DRD2: variants seen among roughly 807,000 people sequenced by gnomAD.
The protein encoded by DRD2 is D(2) dopamine receptor.
A neutral mutation model predicts 38.0 loss-of-function variants in DRD2; 8 were observed. That is an observed-to-expected ratio of 0.21 (90% CI 0.12 to 0.38). DRD2 has a LOEUF of 0.38. Ranked by LOEUF, DRD2 falls within the 10% of genes least tolerant of loss-of-function variation. DRD2 has a pLI of 1.00. For synonymous variants in DRD2, 230 were observed against 238.6 expected, an observed-to-expected ratio of 0.96 and a Z score of 0.33; for missense variants, 403 against 607.7, an observed-to-expected ratio of 0.66 and a Z score of 3.54.
chr11:113,416,745 T>C, intron 4 of DRD2, 118 bp downstream of exon 4: 1 of 1,437,560 alleles, frequency 7.0e-7, no homozygotes, highest in Non-Finnish European at 9.6e-7. Flanking sequence ...AGGGTAGTGA[T>C]AGGCCTCCAT....
intron 1 of DRD2, among the ~76,000 whole-genome samples, chr11:113,438,350 A>T (rs562208476): frequency 6.6e-6 from 1 of 152,204 alleles, no homozygotes; most frequent in East Asian, 1.9e-4. Context: ...TGCAAAATTG[A>T]CTTAGAAAAT....
chr11:113,438,303 A>G (rs1951057416), intron 1 of DRD2, among the ~76,000 whole-genome samples: 2 of 152,064 alleles, frequency 1.3e-5, no homozygotes, highest in South Asian at 2.1e-4. Context: ...TCTCATCTGT[A>G]ACATGGGGGC....
chr11:113,423,283 A>AT (rs5794864), intron 2 of DRD2, among the ~76,000 whole-genome samples: 68 of 150,338 alleles, frequency 4.5e-4, no homozygotes, highest in Middle Eastern at 3.4e-3. Context: ...ATTTAATTTT[A>AT]TTTTTTTTTT....
chr11:113,420,529 T>C (rs771336438), intron 2 of DRD2, among the ~76,000 whole-genome samples: 2 of 152,176 alleles, frequency 1.3e-5, no homozygotes, highest in Non-Finnish European at 2.9e-5. Flanking sequence ...TTCTTAAAAC[T>C]TTTACAAGAA....
intron 7 of DRD2, chr11:113,411,857 T>G (rs1283110635): frequency 6.6e-6 from 1 of 152,480 alleles, no homozygotes; most frequent in Non-Finnish European, 1.5e-5. Flanking sequence ...GAAGACAGAG[T>G]CACAGGGGAC....
At chr11:113,450,393 C>G (rs1450743284) in intron 1 of DRD2, among the ~76,000 whole-genome samples, 1 of 152,212 alleles carries the variant, frequency 6.6e-6, no homozygotes, top group African/African-American at 2.4e-5. Flanking sequence ...GTTGAAGAAG[C>G]TGGCCCAGAG....
At chr11:113,465,472 T>C (rs763740220) in intron 1 of DRD2, among the ~76,000 whole-genome samples, 3 of 152,160 alleles carry the variant, frequency 2.0e-5, no homozygotes, top group African/African-American at 4.8e-5. Context: ...ACTGGAGTTG[T>C]CCCTGTGCTT....
chr11:113,413,263 G>T (rs375268477), intron 6 of DRD2: 3 of 577,846 alleles, frequency 5.2e-6, no homozygotes, highest in Non-Finnish European at 1.0e-5. Context: ...CTCATGTTCC[G>T]ACTGCAAAGA....
At chr11:113,416,270 G>A (rs115980960) in intron 4 of DRD2, among the ~76,000 whole-genome samples, 508 of 152,270 alleles carry the variant, frequency 3.3e-3, no homozygotes, top group African/African-American at 0.012. Flanking sequence ...ACCTGCCATC[G>A]CTCTTGCCTC....
chr11:113,446,115 T>C (rs1419047757), intron 1 of DRD2, among the ~76,000 whole-genome samples: 1 of 152,172 alleles, frequency 6.6e-6, no homozygotes, highest in African/African-American at 2.4e-5. Flanking sequence ...CTGGGACACA[T>C]GGACCCCACT....
At chr11:113,433,765 C>A (rs1951011355) in intron 1 of DRD2, among the ~76,000 whole-genome samples, 1 of 152,156 alleles carries the variant, frequency 6.6e-6, no homozygotes, top group Admixed American at 6.5e-5. Context: ...ATCTCGAGGG[C>A]CTTCTGTGGC....
chr11:113,470,488 C>T (rs1195608160), intron 1 of DRD2, among the ~76,000 whole-genome samples: 1 of 152,200 alleles, frequency 6.6e-6, no homozygotes, highest in Non-Finnish European at 1.5e-5. Flanking sequence ...TGTCTGGAAG[C>T]AAGCTGACAT....
At position 113,462,164 on chromosome 11, in the gene DRD2, C is replaced by T. The variant is rs986089455; in HGVS notation, c.-32+12912G>A. Among the ~76,000 whole-genome samples the T allele has an allele frequency of 5.9e-5, 9 of 152,256 alleles. No individual in the cohort carries two copies. In the South Asian group the frequency reaches 1.9e-3, roughly 32 times the overall value. ...CAATTAGATAAGTGGGCAGCTATTC[C>T]CAAACAGGTGACTAGGAAGGAAAAC... On this transcript the variant is annotated intron_variant, in intron 1 of 7. Transcript: ENST00000362072.
chr11:113,432,792 G>A (rs371453872), intron 1 of DRD2, among the ~76,000 whole-genome samples: 39 of 152,266 alleles, frequency 2.6e-4, no homozygotes, highest in African/African-American at 9.4e-4. Flanking sequence ...ACTTGGGGTT[G>A]GACCTTCTTT....
intron 1 of DRD2, among the ~76,000 whole-genome samples, chr11:113,426,872 G>A (rs1271777127): frequency 2.0e-5 from 3 of 152,198 alleles, no homozygotes; most frequent in Non-Finnish European, 1.5e-5. Context: ...GCCCACAGCG[G>A]GAGGCCTGCA....
chr11:113,410,986 C>T, intron 7 of DRD2, 66 bp from the exon 8 acceptor site: 4 of 1,535,136 alleles, frequency 2.6e-6, no homozygotes, highest in Non-Finnish European at 2.7e-6. Context: ...AACACCCACA[C>T]CCAGTGCGCC....
intron 2 of DRD2, among the ~76,000 whole-genome samples, chr11:113,420,416 G>A (rs1218377041): frequency 1.3e-5 from 2 of 152,220 alleles, no homozygotes; most frequent in Non-Finnish European, 2.9e-5. Flanking sequence ...AAGCTGCCTT[G>A]GAGAGTAGTT....
At chr11:113,472,084 GT>G (rs1276064555) in intron 1 of DRD2, among the ~76,000 whole-genome samples, 1 of 152,230 alleles carries the variant, frequency 6.6e-6, no homozygotes, top group Non-Finnish European at 1.5e-5. Flanking sequence ...GGGAGAAGTG[GT>G]GGGTGCCAAC....
chr11:113,434,779 C>A (rs1247087340), intron 1 of DRD2, among the ~76,000 whole-genome samples: 1 of 148,348 alleles, frequency 6.7e-6, no homozygotes, highest in Non-Finnish European at 1.5e-5. Flanking sequence ...GGGAGCCATC[C>A]CCCCCCATCA....
Sources: allele counts gnomAD v4.1 joint callset (sites outside exome capture counted in the v4.1 genomes callset), GRCh38; gene constraint gnomAD v4.1.1; transcripts MANE v1.5; gene names NCBI Gene and HGNC (gene_info 2026-07-23, HGNC 2026-07-21).